The following FGD5 variants were observed in gnomAD, a reference collection of about 807,000 sequenced individuals.
The protein encoded by FGD5 is FYVE, RhoGEF and PH domain containing 5, also known as FYVE, RhoGEF and PH domain-containing protein 5.
FGD5 carries 28 observed loss-of-function variants against 133.4 expected under a neutral mutation model. That is an observed-to-expected ratio of 0.21 (90% CI 0.16 to 0.29). FGD5 has a LOEUF of 0.29. Among genes scored for constraint, FGD5 ranks in the 10% least tolerant of loss-of-function variants. The pLI, the probability that FGD5 is intolerant of heterozygous loss-of-function variation, is 1.00. For synonymous variants in FGD5, 810 were observed against 776.5 expected (o/e 1.04, Z -0.72); for missense variants, 1,858 against 1,895.2 (o/e 0.98, Z 0.36).
chr3:14,874,277 G>A (rs913874738), intron 2 of FGD5, among the ~76,000 whole-genome samples: 3 of 152,110 alleles, frequency 2.0e-5, no homozygotes, highest in Non-Finnish European at 4.4e-5. Flanking sequence ...CCAGCACTTC[G>A]GGAGGCCAAG....
In FGD5 at chr3:14,922,209, C is replaced by T. The variant is rs2038697112; in HGVS notation, c.3669+192C>T. 9 of 986,230 alleles carry T rather than the reference C, an allele frequency of 9.1e-6. No individual in the cohort carries two copies. Among genetic ancestry groups the T allele is most frequent in the Non-Finnish European group, 1.3e-5 (9 of 670,336 alleles). The allele number at this position is 986,230 out of a possible 1,614,324, so 61.1% of individuals were successfully genotyped here. A position where few individuals can be genotyped will look rare whatever the true frequency, so the allele number is the denominator to read the frequency against. ...CCGTGTAACCTAGGAGCCCAGCACC[C>T]ACAGTCTTGTTCTCACAGTCTGGCT... On this transcript the variant is annotated intron_variant, in intron 14 of 19. Transcript: ENST00000285046. The surrounding 1 kb of genome is among the most constrained non-coding windows in gnomAD (Gnocchi z 4.1).
Position 14,900,469 on chromosome 3 carries a change from A to G in FGD5, c.3205+16A>G. 6.2e-7 allele frequency: 1 copy of G among 1,612,378 alleles called. No homozygotes were observed. The highest frequency in any genetic ancestry group is 1.1e-5 in the South Asian group (1 of 90,582). ...AACACACAGGGTGAGTCCAGCGTGA[A>G]TGCGGAGGGAGGTACTCAAGCCTGC... On this transcript the variant is annotated intron_variant, in intron 8 of 19. Coordinates refer to ENST00000285046, the MANE Select transcript of FGD5 (RefSeq NM_152536.4).
At chr3:14,810,956 C>T in intron 1 of FGD5, 1 of 955,276 alleles carries the variant, frequency 1.0e-6, no homozygotes, top group Non-Finnish European at 1.2e-6. Context: ...GAGCCCGGGG[C>T]TAGCTGCCCG....
chr3:14,929,222 C>T (rs2038863812), intron 18 of FGD5, among the ~76,000 whole-genome samples: 1 of 152,148 alleles, frequency 6.6e-6, no homozygotes, highest in African/African-American at 2.4e-5. Flanking sequence ...GTGAATATAC[C>T]AGTTTTGTTT....
At chr3:14,859,654 A>G (rs1436698482) in intron 1 of FGD5, among the ~76,000 whole-genome samples, 1 of 152,194 alleles carries the variant, frequency 6.6e-6, no homozygotes, top group African/African-American at 2.4e-5. Flanking sequence ...AATATGTAAT[A>G]CTTATTATTG....
intron 1 of FGD5, among the ~76,000 whole-genome samples, chr3:14,832,584 T>G (rs17040345): frequency 0.012 from 1,845 of 152,236 alleles, 42 homozygotes; most frequent in African/African-American, 0.042. Context: ...TCCAGTTTTA[T>G]TTTTTTAATA....
chr3:14,849,565 A>G (rs1378506994), intron 1 of FGD5, among the ~76,000 whole-genome samples: 1 of 152,182 alleles, frequency 6.6e-6, no homozygotes, highest in Non-Finnish European at 1.5e-5. Context: ...TTACCTCACT[A>G]AGTGGTTGAA....
At chr3:14,865,460 C>T (rs1421949841) in intron 2 of FGD5, among the ~76,000 whole-genome samples, 2 of 152,180 alleles carry the variant, frequency 1.3e-5, no homozygotes, top group African/African-American at 4.8e-5. Context: ...TACAGGAGCC[C>T]TCAAGAGAGT....
rs369779761 is a variant in FGD5 at position 14,924,011 on chromosome 3, G to A, written c.3941G>A (p.Arg1314Gln). The change falls in exon 17 of 20, where the codon CGG becomes CAG. Residue 1314 changes from arginine to glutamine, a missense_variant. This residue lies in a region of FGD5 where 1,824 missense variants were observed against 1,848.9 expected (regional missense o/e 0.99). Transcript: ENST00000285046. ...GRAVPGLMRE[R>Q]PVSMSFPLSS... is the part of the protein sequence containing the mutation. ...ATGTGGCTTCTTTCAGTTACAGAGC[G>A]GCCTGTGAGCATGAGCTTCCCGCTG... 39 of 1,613,794 alleles carry A rather than the reference G, an allele frequency of 2.4e-5. No individual in the cohort carries two copies. Among genetic ancestry groups the A allele is most frequent in the Non-Finnish European group, 2.9e-5 (34 of 1,179,884 alleles).
intron 18 of FGD5, 105 bp downstream of exon 18, chr3:14,926,303 T>G (rs1362557391): frequency 6.1e-6 from 9 of 1,477,652 alleles, no homozygotes; most frequent in African/African-American, 1.4e-5. Flanking sequence ...TCCTGGCTGC[T>G]GAGCCAGTTC....
In FGD5 at chr3:14,820,204, C is replaced by G; in HGVS notation, c.1133C>G (p.Pro378Arg). ...SAKGLESEQA[P>R]KLGLRAEENP... is the part of the protein sequence containing the mutation. ...AAAGGTTTAGAATCAGAGCAGGCAC[C>G]AAAGCTGGGGCTGCGTGCGGAGGAG... The change falls in exon 1 of 20, where the codon CCA becomes CGA. Residue 378 changes from proline to arginine, a missense_variant. Around this residue, in one of 3 missense-constraint regions of FGD5, gnomAD observed 1,824 missense variants for 1,848.9 expected, o/e 0.99. Transcript: ENST00000285046. 6.2e-7 allele frequency: 1 copy of G among 1,612,056 alleles called. No individual in the cohort carries two copies.
chr3:14,917,386 G>C lies in FGD5; in HGVS notation c.3489+54G>C. On this transcript the variant is annotated intron_variant, in intron 12 of 19. Transcript: ENST00000285046. The surrounding 1 kb of genome is among the most constrained non-coding windows in gnomAD (Gnocchi z 4.1). ...GTTGGGGGACAGGGAGACCCCAGGG[G>C]AGAAGGGGACAGCATCCTGCTCCCA... 1 of 1,527,506 alleles carries C rather than the reference G, an allele frequency of 6.5e-7. No homozygotes were observed. The highest frequency in any genetic ancestry group is 1.8e-4 in the Middle Eastern group (1 of 5,528). 94.6% of individuals were successfully genotyped at this position (1,527,506 alleles called of 1,614,324 possible).
chr3:14,875,829 G>C (rs1306192381), intron 2 of FGD5, among the ~76,000 whole-genome samples: 1 of 152,040 alleles, frequency 6.6e-6, no homozygotes, highest in African/African-American at 2.4e-5. Flanking sequence ...GAGGAGGGAG[G>C]TCTCAAGGAG....
intron 11 of FGD5, among the ~76,000 whole-genome samples, chr3:14,912,734 G>C (rs2038474026): frequency 6.6e-6 from 1 of 152,150 alleles, no homozygotes; most frequent in Non-Finnish European, 1.5e-5. Context: ...TGTTAGACAA[G>C]TCTAAATTTT....
At position 14,853,636 on chromosome 3, in the gene FGD5, C is replaced by CTTT. The variant is rs34008934; in HGVS notation, c.2526-10463_2526-10461dup. ...GAGATTCCCAGGGGGAAAAGCGTTCCTTTTTTTTTTTTTTTTTTTTTTTTT... is the reference window on the plus strand; with the variant it reads ...GAGATTCCCAGGGGGAAAAGCGTTCCTTTTTTTTTTTTTTTTTTTTTTTTTTTT... On this transcript the variant is annotated intron_variant, in intron 1 of 19. Coordinates refer to ENST00000285046, the MANE Select transcript of FGD5 (RefSeq NM_152536.4). Among the ~76,000 whole-genome samples the CTTT allele has an allele frequency of 2.2e-3, 82 of 37,124 alleles. 4 individuals carry two copies. Among genetic ancestry groups the CTTT allele is most frequent in the East Asian group, 5.1e-3 (4 of 786 alleles). 24.4% of individuals were successfully genotyped at this position (37,124 alleles called of 152,430 possible). A position where few individuals can be genotyped will look rare whatever the true frequency, so the allele number is the denominator to read the frequency against.
At chr3:14,844,424 G>A (rs2037006134) in intron 1 of FGD5, among the ~76,000 whole-genome samples, 1 of 150,310 alleles carries the variant, frequency 6.7e-6, no homozygotes, top group Admixed American at 6.6e-5. Flanking sequence ...TTAACTAGCT[G>A]CGTGGAAAAG....
Position 14,933,254 on chromosome 3 carries a change from GAC to G in FGD5, c.*94_*95del. On this transcript the variant is annotated 3_prime_UTR_variant, in exon 20 of 20. Coordinates refer to ENST00000285046, the MANE Select transcript of FGD5 (RefSeq NM_152536.4). ...GCTAAGCTGTGGCTCAACTCATCCGGACACACACCTGGATTCAGCAATGAGGC... is the reference window on the plus strand; with the variant it reads ...GCTAAGCTGTGGCTCAACTCATCCGGACACACCTGGATTCAGCAATGAGGC... The G allele has an allele frequency of 6.8e-7, 1 of 1,471,542 alleles. No individual in the cohort carries two copies. The allele number at this position is 1,471,542 out of a possible 1,614,324, so 91.2% of individuals were successfully genotyped here.
intron 7 of FGD5, among the ~76,000 whole-genome samples, chr3:14,899,387 C>A (rs1350438107): frequency 1.3e-5 from 2 of 152,148 alleles, no homozygotes; most frequent in African/African-American, 2.4e-5. Flanking sequence ...TATGCCCTTT[C>A]CCCTATCTCT....
chr3:14,880,439 T>C (rs2037802834), intron 2 of FGD5, 133 bp from the exon 3 acceptor site: 1 of 679,034 alleles, frequency 1.5e-6, no homozygotes, highest in Non-Finnish European at 2.5e-6. Context: ...AAATAAGTTG[T>C]TGAAGAACAT....
Sources: gnomAD v4.1 joint callset for allele counts (sites outside exome capture counted in the v4.1 genomes callset) on GRCh38, gnomAD v4.1.1 for gene constraint, gnomAD v4.1.1 regional missense constraint, Gnocchi (gnomAD v3.1) non-coding constraint, MANE v1.5 for transcripts, NCBI Gene and HGNC (gene_info 2026-07-23, HGNC 2026-07-21) for gene names.